The following STAG1 variants were observed in gnomAD, a reference collection of about 807,000 sequenced individuals.
The protein encoded by STAG1 is STAG1 cohesin complex component.
STAG1 carries 26 observed loss-of-function variants against 170.9 expected under a neutral mutation model. That is an observed-to-expected ratio of 0.15 (90% CI 0.11 to 0.21). The LOEUF is 0.21. STAG1 is among the 10% of genes least tolerant of loss of function. STAG1 has a pLI of 1.00. For missense variants in STAG1, 964 were observed against 1,509.5 expected, an observed-to-expected ratio of 0.64 and a Z score of 5.99; for synonymous variants, 514 against 497.7, an observed-to-expected ratio of 1.03 and a Z score of -0.44.
chr3:136,639,022 T>C (rs1475755517), intron 1 of STAG1, among the ~76,000 whole-genome samples: 1 of 152,006 alleles, frequency 6.6e-6, no homozygotes, highest in Non-Finnish European at 1.5e-5. Context: ...GACAATTAAC[T>C]TGCCTTATCC....
chr3:136,732,995 A>G (rs1934127992), intron 1 of STAG1, among the ~76,000 whole-genome samples: 1 of 152,030 alleles, frequency 6.6e-6, no homozygotes, highest in African/African-American at 2.4e-5. Context: ...AAGTAACCTC[A>G]GCATTTACTT....
chr3:136,653,439 T>C (rs1007916210), intron 1 of STAG1, among the ~76,000 whole-genome samples: 9 of 152,182 alleles, frequency 5.9e-5, no homozygotes, highest in Non-Finnish European at 1.3e-4. Flanking sequence ...TTCTCCAAAA[T>C]TTATCAATTC....
chr3:136,433,110 A>G (rs560059883), intron 16 of STAG1, among the ~76,000 whole-genome samples: 1 of 152,200 alleles, frequency 6.6e-6, no homozygotes, highest in East Asian at 1.9e-4. Context: ...GAGTCTCTCC[A>G]TCTATGATTA....
rs966489080 is a variant in STAG1, at chr3:136,668,250, A to T, written c.-83-37269T>A. Among the ~76,000 whole-genome samples the T allele has an allele frequency of 5.4e-5, 8 of 147,820 alleles. No individual in the cohort carries two copies. The South Asian group carries it at 6.3e-4, about 12-fold the overall frequency. On this transcript the variant is annotated intron_variant, in intron 1 of 33. Transcript: ENST00000383202. ...ACTGTCTCAAATATATATATATATA[A>T]AACACATTATATATTATACATAATA... is the stretch of plus-strand genomic sequence containing the variant.
chr3:136,410,282 C>A (rs2087590662), intron 21 of STAG1, among the ~76,000 whole-genome samples: 1 of 151,740 alleles, frequency 6.6e-6, no homozygotes, highest in African/African-American at 2.4e-5. Flanking sequence ...CTCCTGTAAT[C>A]CCAGCTACTT....
intron 1 of STAG1, among the ~76,000 whole-genome samples, chr3:136,644,131 T>C (rs757319378): frequency 6.6e-5 from 10 of 152,160 alleles, no homozygotes; most frequent in Admixed American, 6.5e-5. Context: ...ACTTTTATAA[T>C]ATGAAACTGT....
chr3:136,446,470 T>C (rs1001536015), intron 14 of STAG1, among the ~76,000 whole-genome samples: 7 of 152,120 alleles, frequency 4.6e-5, no homozygotes, highest in African/African-American at 1.7e-4. Context: ...TCGCCCAGCC[T>C]GGAATGCTAC....
intron 12 of STAG1, among the ~76,000 whole-genome samples, chr3:136,468,119 A>T (rs887716896): frequency 1.3e-5 from 2 of 152,194 alleles, no homozygotes; most frequent in African/African-American, 4.8e-5. Flanking sequence ...GAGCAAACAC[A>T]TTCTAAAGCT....
rs372104484 is a variant in STAG1 at position 136,513,207 on chromosome 3, T to C, written c.676+8006A>G. Among the ~76,000 whole-genome samples the C allele has an allele frequency of 1.4e-4, 21 of 151,906 alleles. No individual in the cohort carries two copies. The East Asian group carries it at 2.1e-3, about 16-fold the overall frequency. On this transcript the variant is annotated intron_variant, in intron 7 of 33. Transcript: ENST00000383202. ...ACATCTCTACTAAAAATGCAAAAATTAGCCAGGCATGGTGGCACATGCCTG... is the reference window on the plus strand; with the variant it reads ...ACATCTCTACTAAAAATGCAAAAATCAGCCAGGCATGGTGGCACATGCCTG...
intron 7 of STAG1, among the ~76,000 whole-genome samples, chr3:136,511,577 A>G (rs1029420141): frequency 3.9e-5 from 6 of 152,206 alleles, no homozygotes; most frequent in Non-Finnish European, 8.8e-5. Flanking sequence ...GTTCTCACTT[A>G]TAAGTGGGAG....
chr3:136,370,070 AC>A (rs1937244313), intron 23 of STAG1, among the ~76,000 whole-genome samples: 1 of 149,568 alleles, frequency 6.7e-6, no homozygotes, highest in Admixed American at 6.7e-5. Context: ...ACTATACTAT[AC>A]TATACTATAC....
intron 21 of STAG1, among the ~76,000 whole-genome samples, chr3:136,415,119 G>A (rs1258885048): frequency 6.6e-6 from 1 of 152,112 alleles, no homozygotes; most frequent in African/African-American, 2.4e-5. Flanking sequence ...TTACCAAAAT[G>A]TGACACAGAA....
At chr3:136,509,670 A>G (rs1933949296) in intron 7 of STAG1, among the ~76,000 whole-genome samples, 1 of 152,232 alleles carries the variant, frequency 6.6e-6, no homozygotes, top group Non-Finnish European at 1.5e-5. Context: ...ACAATTAAAA[A>G]AACAGTTGAG....
At chr3:136,457,068 T>C (rs1298484213) in intron 13 of STAG1, among the ~76,000 whole-genome samples, 3 of 152,102 alleles carry the variant, frequency 2.0e-5, no homozygotes, top group Admixed American at 6.5e-5. Flanking sequence ...TCAGGCAGGA[T>C]TGGCTTGTCT....
rs528436102 is a variant in STAG1, at chr3:136,651,178, A to G, written c.-83-20197T>C. ...CCAGGAGTTCAAGACCAGCATGGGC[A>G]ACGCAGTGAGCTCTCGTCTCTACAA... On this transcript the variant is annotated intron_variant, in intron 1 of 33. Transcript: ENST00000383202. Among the ~76,000 whole-genome samples, 6 of 152,228 alleles carry G rather than the reference A, an allele frequency of 3.9e-5. No homozygotes were observed. In the South Asian group the frequency reaches 8.3e-4, roughly 21 times the overall value.
At chr3:136,608,842 C>T (rs1438082272) in intron 3 of STAG1, among the ~76,000 whole-genome samples, 3 of 150,624 alleles carry the variant, frequency 2.0e-5, no homozygotes, top group Admixed American at 6.6e-5. Context: ...ATGTTTTGCT[C>T]GTTGCTACTA....
chr3:136,718,796 G>T (rs112689328), intron 1 of STAG1, among the ~76,000 whole-genome samples: 7 of 152,030 alleles, frequency 4.6e-5, no homozygotes, highest in African/African-American at 1.4e-4. Context: ...GTGTGGTGGG[G>T]GGGGCCTGTA....
chr3:136,741,071 C>A (rs1055973818), intron 1 of STAG1, among the ~76,000 whole-genome samples: 11 of 152,214 alleles, frequency 7.2e-5, no homozygotes, highest in African/African-American at 2.2e-4. Context: ...TTGTTCCAAT[C>A]TTTTCAGGAT....
intron 22 of STAG1, among the ~76,000 whole-genome samples, chr3:136,385,394 C>T (rs986395953): frequency 6.6e-6 from 1 of 152,052 alleles, no homozygotes; most frequent in Non-Finnish European, 1.5e-5. Context: ...GAGCCATGAC[C>T]GTGCCACTGC....
Sources: allele counts gnomAD v4.1 joint callset (sites outside exome capture counted in the v4.1 genomes callset), GRCh38; gene constraint gnomAD v4.1.1; transcripts MANE v1.5; gene names NCBI Gene and HGNC (gene_info 2026-07-23, HGNC 2026-07-21).